Variants in KIAA0825 observed in about 807,000 individuals in gnomAD.
The protein encoded by KIAA0825 is KIAA0825.
A neutral mutation model predicts 147.6 loss-of-function variants in KIAA0825; 119 were observed. The ratio of observed to expected loss-of-function variants is 0.81; its 90% CI spans 0.69 to 0.94. KIAA0825 has a LOEUF of 0.94. Among genes scored for constraint, KIAA0825 ranks in the 40% least tolerant of loss-of-function variants. KIAA0825 has a pLI of 0.00. For synonymous variants in KIAA0825, 470 were observed against 518.1 expected (o/e 0.91, Z 1.26); for missense variants, 1,381 against 1,472.7 (o/e 0.94, Z 1.02).
chr5:94,454,266 C>G (rs1474825968), intron 12 of KIAA0825, among the ~76,000 whole-genome samples: 2 of 152,148 alleles, frequency 1.3e-5, no homozygotes, highest in Non-Finnish European at 2.9e-5. Flanking sequence ...TACCATCTCT[C>G]TTTATATACA....
chr5:94,593,064 T>C, intron 1 of KIAA0825: 1 of 699,738 alleles, frequency 1.4e-6, no homozygotes, highest in Admixed American at 1.9e-5. Context: ...CTCAATTTCT[T>C]ACTCTTCATA....
rs1327747227 is a variant in KIAA0825 at position 94,356,724 on chromosome 5, TC to T, written c.3710+27643del. On this transcript the variant is annotated intron_variant, in intron 20 of 20. Transcript: ENST00000682413. ...ATCAAACTTAAGGTTTAACTTGATT[TC>T]TTTTTTTTTTTTTTTTTGAGACGGA... Among the ~76,000 whole-genome samples, 621 of 134,784 alleles carry T rather than the reference TC, an allele frequency of 4.6e-3. 10 individuals are homozygous for T. Among genetic ancestry groups the T allele is most frequent in the Middle Eastern group, 0.019 (5 of 262 alleles). 88.4% of individuals were successfully genotyped at this position (134,784 alleles called of 152,430 possible).
chr5:94,564,641 C>T (rs1285423890), intron 2 of KIAA0825, among the ~76,000 whole-genome samples: 8 of 150,368 alleles, frequency 5.3e-5, no homozygotes, highest in Non-Finnish European at 1.0e-4. Flanking sequence ...TGGCTTCAAG[C>T]GAACCTCTTG....
chr5:94,371,293 T>G (rs2150457176), intron 20 of KIAA0825, among the ~76,000 whole-genome samples: 1 of 152,320 alleles, frequency 6.6e-6, no homozygotes, highest in East Asian at 1.9e-4. Flanking sequence ...AAGAAAGTCC[T>G]ACAGGTATCC....
intron 5 of KIAA0825, among the ~76,000 whole-genome samples, chr5:94,509,165 A>G (rs1766143974): frequency 6.6e-6 from 1 of 152,196 alleles, no homozygotes; most frequent in Non-Finnish European, 1.5e-5. Flanking sequence ...ATTGAAAATG[A>G]CAGAACCTTA....
At chr5:94,291,932 G>T (rs1777915157) in intron 20 of KIAA0825, among the ~76,000 whole-genome samples, 1 of 152,146 alleles carries the variant, frequency 6.6e-6, no homozygotes, top group South Asian at 2.1e-4. Flanking sequence ...TGGTGTACAG[G>T]AATGCTTGTG....
chr5:94,580,776 T>C lies in KIAA0825; in HGVS notation c.-2+1657A>G, dbSNP rs557564378. Reference sequence around the variant, plus strand: ...CTGTAGTCCCAGCTACTCGGGAGGCTGAGGCGGGAGAATGGCGTGAACCCG... The same window carrying C: ...CTGTAGTCCCAGCTACTCGGGAGGCCGAGGCGGGAGAATGGCGTGAACCCG... On this transcript the variant is annotated intron_variant, in intron 2 of 20. Coordinates refer to ENST00000682413, the MANE Select transcript of KIAA0825 (RefSeq NM_001145678.3). Among the ~76,000 whole-genome samples the C allele has an allele frequency of 1.7e-4, 16 of 96,908 alleles. No homozygotes were observed. In the South Asian group the frequency reaches 2.7e-3, roughly 17 times the overall value. The allele number at this position is 96,908 out of a possible 152,430, so 63.6% of individuals were successfully genotyped here.
chr5:94,278,382 A>C (rs1457607726), intron 20 of KIAA0825, among the ~76,000 whole-genome samples: 1 of 152,144 alleles, frequency 6.6e-6, no homozygotes, highest in African/African-American at 2.4e-5. Flanking sequence ...AACATTTCAC[A>C]ATTTGTTTGC....
chr5:94,201,685 A>AT (rs1771713587), intron 20 of KIAA0825, among the ~76,000 whole-genome samples: 1 of 149,090 alleles, frequency 6.7e-6, no homozygotes, highest in South Asian at 2.1e-4. Context: ...AAGTGTTGGG[A>AT]TTACAGATGT....
In KIAA0825 at chr5:94,151,188, C is replaced by A. The variant is rs886458622; in HGVS notation, c.*2819G>T. 2.6e-5 allele frequency among the ~76,000 whole-genome samples: 4 copies of A among 151,240 alleles called. No individual in the cohort carries two copies. The highest frequency in any genetic ancestry group is 4.4e-5 in the Non-Finnish European group (3 of 67,818). On this transcript the variant is annotated 3_prime_UTR_variant, in exon 21 of 21. Coordinates refer to ENST00000682413, the MANE Select transcript of KIAA0825 (RefSeq NM_001145678.3). The stretch of plus-strand genomic sequence containing the variant: ...ATCCCAGCACTTTGGGAGGCCGAGG[C>A]GGGTGGATCATGAGGTCAGGAGATC...
chr5:94,471,228 G>A (rs1023312079), intron 9 of KIAA0825, among the ~76,000 whole-genome samples: 3 of 148,362 alleles, frequency 2.0e-5, no homozygotes, highest in African/African-American at 4.9e-5. Context: ...CAGAAAATGC[G>A]TGGGTTTTTG....
At chr5:94,222,889 G>T (rs1215969348) in intron 20 of KIAA0825, among the ~76,000 whole-genome samples, 1 of 151,994 alleles carries the variant, frequency 6.6e-6, no homozygotes, top group Non-Finnish European at 1.5e-5. Context: ...TATACATTGT[G>T]ATTACTATGT....
intron 1 of KIAA0825, among the ~76,000 whole-genome samples, chr5:94,587,228 A>G (rs1404770643): frequency 6.6e-6 from 1 of 152,232 alleles, no homozygotes; most frequent in African/African-American, 2.4e-5. Flanking sequence ...AAGGGTATTC[A>G]ATTTGGAAAA....
intron 2 of KIAA0825, among the ~76,000 whole-genome samples, chr5:94,563,376 G>A (rs1219676041): frequency 2.0e-5 from 3 of 150,338 alleles, no homozygotes; most frequent in Non-Finnish European, 4.4e-5. Context: ...AAAAAAAGAT[G>A]TTTTGGATTC....
chr5:94,485,673 T>C (rs1266480410), intron 5 of KIAA0825, among the ~76,000 whole-genome samples: 1 of 151,820 alleles, frequency 6.6e-6, no homozygotes, highest in Non-Finnish European at 1.5e-5. Context: ...TGGTCAGATA[T>C]TAACATTTGG....
chr5:94,405,919 T>G (rs753508389), intron 15 of KIAA0825, among the ~76,000 whole-genome samples: 10 of 152,006 alleles, frequency 6.6e-5, no homozygotes, highest in Non-Finnish European at 1.3e-4. Flanking sequence ...GTTATTTATT[T>G]ATTTATTTTT....
intron 20 of KIAA0825, among the ~76,000 whole-genome samples, chr5:94,340,353 T>TG (rs1050942323): frequency 2.0e-5 from 3 of 152,028 alleles, no homozygotes; most frequent in Non-Finnish European, 2.9e-5. Flanking sequence ...ATCCATTTTT[T>TG]GGGGGGGAAT....
chr5:94,490,834 C>T (rs1338677194), intron 5 of KIAA0825, among the ~76,000 whole-genome samples: 6 of 152,148 alleles, frequency 3.9e-5, no homozygotes, highest in Admixed American at 3.9e-4. Flanking sequence ...TAACCCCATT[C>T]TCTTCTAGCA....
intron 5 of KIAA0825, among the ~76,000 whole-genome samples, chr5:94,488,594 A>G (rs1053617223): frequency 2.6e-5 from 4 of 152,078 alleles, no homozygotes; most frequent in Non-Finnish European, 5.9e-5. Flanking sequence ...CTAATATGCA[A>G]TATAAAATAT....
Sources: gnomAD v4.1 joint callset for allele counts (sites outside exome capture counted in the v4.1 genomes callset) on GRCh38, gnomAD v4.1.1 for gene constraint, MANE v1.5 for transcripts, NCBI Gene and HGNC (gene_info 2026-07-23, HGNC 2026-07-21) for gene names.